MTSS1: variants seen among roughly 807,000 people sequenced by gnomAD.
MTSS1 encodes the protein MTSS I-BAR domain containing 1.
A neutral mutation model predicts 79.0 loss-of-function variants in MTSS1; 18 were observed. That is an observed-to-expected ratio of 0.23 (90% CI 0.16 to 0.34). The LOEUF (loss-of-function observed/expected upper bound fraction) is 0.34, where lower values mean the gene tolerates loss of function less well. Among genes scored for constraint, MTSS1 ranks in the 10% least tolerant of loss-of-function variants. The pLI is 1.00. For missense variants in MTSS1, 815 were observed against 986.2 expected, an observed-to-expected ratio of 0.83 and a Z score of 2.33; for synonymous variants, 341 against 368.6, an observed-to-expected ratio of 0.93 and a Z score of 0.86.
chr8:124,661,831 C>T (rs1822093935), intron 3 of MTSS1, among the ~76,000 whole-genome samples: 2 of 152,188 alleles, frequency 1.3e-5, no homozygotes, highest in African/African-American at 2.4e-5. Context: ...GGACCTGTCA[C>T]ACTGTACGGC....
chr8:124,721,942 T>C (rs1833005545), intron 1 of MTSS1, among the ~76,000 whole-genome samples: 1 of 152,090 alleles, frequency 6.6e-6, no homozygotes. Context: ...GTGAGACCCA[T>C]TCCCACGGCC....
rs1488189934 is a variant in MTSS1, at chr8:124,630,858, C to T, written c.209-39623G>A. ...TAGAACCCAAGTCACCAGATTCTGC[C>T]TCTCATTACTTCTCATCATTATGGA... is the stretch of plus-strand genomic sequence containing the variant. On this transcript the variant is annotated intron_variant, in intron 3 of 13. Coordinates refer to ENST00000518547, the MANE Select transcript of MTSS1 (RefSeq NM_014751.6). Among the ~76,000 whole-genome samples the T allele has an allele frequency of 2.6e-5, 4 of 152,246 alleles. 1 individual carries two copies. The highest frequency in any genetic ancestry group is 5.9e-5 in the Non-Finnish European group (4 of 68,044).
chr8:124,657,009 CTAAAT>C (rs1563943707), intron 3 of MTSS1, among the ~76,000 whole-genome samples: 4 of 151,968 alleles, frequency 2.6e-5, no homozygotes, highest in Admixed American at 2.6e-4. Flanking sequence ...ATAAATTAGA[CTAAAT>C]TAAAGGAACA....
At chr8:124,669,975 A>G (rs546370954) in intron 3 of MTSS1, among the ~76,000 whole-genome samples, 1 of 152,348 alleles carries the variant, frequency 6.6e-6, no homozygotes, top group African/African-American at 2.4e-5. Flanking sequence ...TTCACTCAAT[A>G]AATATTTACT....
intron 3 of MTSS1, among the ~76,000 whole-genome samples, chr8:124,622,547 C>A (rs1813788287): frequency 6.6e-6 from 1 of 150,614 alleles, no homozygotes; most frequent in African/African-American, 2.4e-5. Flanking sequence ...ATAATCCCAG[C>A]ACTCTTGGAG....
chr8:124,569,294 GACTAACAC>G (rs1316641938), intron 6 of MTSS1, among the ~76,000 whole-genome samples: 2 of 152,178 alleles, frequency 1.3e-5, no homozygotes, highest in Non-Finnish European at 2.9e-5. Context: ...TCTTTTGAAT[GACTAACAC>G]ATGGTCAGCA....
At chr8:124,646,565 T>C (rs1282930982) in intron 3 of MTSS1, among the ~76,000 whole-genome samples, 1 of 152,180 alleles carries the variant, frequency 6.6e-6, no homozygotes, top group Non-Finnish European at 1.5e-5. Context: ...GCAAGATCCC[T>C]AGAAACTTAA....
intron 2 of MTSS1, 147 bp from the exon 3 acceptor site, chr8:124,699,746 T>C: frequency 1.4e-6 from 1 of 695,742 alleles, no homozygotes; most frequent in Non-Finnish European, 2.5e-6. Flanking sequence ...ACTGTCTTGC[T>C]GAACCCACTT....
chr8:124,728,062 C>A lies in MTSS1; in HGVS notation c.-107G>T. Reference sequence around the variant, plus strand: ...GAATTTCACCTTCCGAGAGACCCACCTCGGACTCGCAGCCTCTTCTGCAGC... The same window carrying A: ...GAATTTCACCTTCCGAGAGACCCACATCGGACTCGCAGCCTCTTCTGCAGC... On this transcript the variant is annotated 5_prime_UTR_variant, in exon 1 of 14. In the 5' UTR this introduces an upstream ATG that the reference lacks. Transcript: ENST00000518547. The surrounding 1 kb of genome is among the most constrained non-coding windows in gnomAD (Gnocchi z 6.1). 1 of 911,982 alleles carries A rather than the reference C, an allele frequency of 1.1e-6. No homozygotes were observed. The highest frequency in any genetic ancestry group is 1.6e-5 in the South Asian group (1 of 61,884). 56.5% of individuals were successfully genotyped at this position (911,982 alleles called of 1,614,324 possible).
rs188497881 is a variant in MTSS1, at chr8:124,597,539, C to T, written c.209-6304G>A. On this transcript the variant is annotated intron_variant, in intron 3 of 13. Coordinates refer to ENST00000518547, the MANE Select transcript of MTSS1 (RefSeq NM_014751.6). The surrounding 1 kb of genome is among the most constrained non-coding windows in gnomAD (Gnocchi z 4.6). ...AGAGACCTGGCAGCGACAGGCAGGA[C>T]GGTGGGTCCTTCGAGTGGCATTGTC... 2.1e-4 allele frequency among the ~76,000 whole-genome samples: 32 copies of T among 152,336 alleles called. 1 individual carries two copies. The South Asian group carries it at 5.2e-3, about 25-fold the overall frequency.
Position 124,710,043 on chromosome 8 carries a change from C to G in MTSS1, c.73-5852G>C, listed in dbSNP as rs377134955. The stretch of plus-strand genomic sequence containing the variant: ...GAAATGAAGGGAGGAAGGAAAAGTA[C>G]TTCTGGTAGGGGGTGCAGCTGACAC... On this transcript the variant is annotated intron_variant, in intron 1 of 13. Transcript: ENST00000518547. Among the ~76,000 whole-genome samples, 115 of 152,316 alleles carry G rather than the reference C, an allele frequency of 7.6e-4. 4 individuals carry two copies. In the South Asian group the frequency reaches 0.023, roughly 31 times the overall value.
In MTSS1 at chr8:124,551,091, C is replaced by T. The variant is rs1351016124; in HGVS notation, c.*1901G>A. The T allele has an allele frequency of 1.3e-5, 2 of 152,520 alleles. No homozygotes were observed. Among genetic ancestry groups the T allele is most frequent in the Non-Finnish European group, 1.5e-5 (1 of 68,020 alleles). The allele number at this position is 152,520 out of a possible 1,614,324, so 9.4% of individuals were successfully genotyped here. On this transcript the variant is annotated 3_prime_UTR_variant, in exon 14 of 14. Coordinates refer to ENST00000518547, the MANE Select transcript of MTSS1 (RefSeq NM_014751.6). ...ATTTTATTTATTCAGATTATACTAA[C>T]GTTTAAAAACTAAACAAGTGAAAAG...
At chr8:124,638,175 C>A (rs1412012974) in intron 3 of MTSS1, among the ~76,000 whole-genome samples, 4 of 152,192 alleles carry the variant, frequency 2.6e-5, no homozygotes, top group African/African-American at 9.7e-5. Context: ...AAGAATGTGG[C>A]CTTTAACAAT....
intron 3 of MTSS1, among the ~76,000 whole-genome samples, chr8:124,607,313 T>G (rs989002461): frequency 6.6e-6 from 1 of 152,204 alleles, no homozygotes; most frequent in African/African-American, 2.4e-5. Context: ...AGAGGATGCA[T>G]TCTGCAGTTG....
At chr8:124,693,104 G>A (rs528129285) in intron 3 of MTSS1, among the ~76,000 whole-genome samples, 1 of 152,162 alleles carries the variant, frequency 6.6e-6, no homozygotes, top group South Asian at 2.1e-4. Flanking sequence ...AGATCCTCAA[G>A]CATACAAACA....
intron 3 of MTSS1, among the ~76,000 whole-genome samples, chr8:124,697,052 C>T (rs931165837): frequency 3.3e-5 from 5 of 152,096 alleles, no homozygotes; most frequent in Non-Finnish European, 5.9e-5. Context: ...TGCAGTGTCC[C>T]GCCAAGAACC....
chr8:124,704,482 G>A lies in MTSS1; in HGVS notation c.73-291C>T, dbSNP rs372030587. ...TAGATGGTGGGTCCAAATTTAAGGT[G>A]TACAGAACATTTAAAGCTCCACCCT... On this transcript the variant is annotated intron_variant, in intron 1 of 13. Coordinates refer to ENST00000518547, the MANE Select transcript of MTSS1 (RefSeq NM_014751.6). Among the ~76,000 whole-genome samples the A allele has an allele frequency of 7.6e-4, 116 of 152,290 alleles. 4 individuals are homozygous for A. In the South Asian group the frequency reaches 0.024, roughly 31 times the overall value.
intron 7 of MTSS1, chr8:124,567,903 A>C (rs1435972045): frequency 7.0e-7 from 1 of 1,427,304 alleles, no homozygotes. Flanking sequence ...CTTAAAAATT[A>C]AGTCTAAATT....
At chr8:124,581,147 T>TTC (rs149880017) in intron 6 of MTSS1, among the ~76,000 whole-genome samples, 4,380 of 152,126 alleles carry the variant, frequency 0.029, 229 homozygotes, top group African/African-American at 0.099. Flanking sequence ...AATGTTCCAG[T>TTC]TCTCTCTCTC....
Sources: allele counts gnomAD v4.1 joint callset (sites outside exome capture counted in the v4.1 genomes callset), GRCh38; gene constraint gnomAD v4.1.1; non-coding constraint Gnocchi (gnomAD v3.1); transcripts MANE v1.5; gene names NCBI Gene and HGNC (gene_info 2026-07-23, HGNC 2026-07-21).